The following PHKB variants were observed in gnomAD, a reference collection of about 807,000 sequenced individuals.
PHKB encodes the protein phosphorylase kinase regulatory subunit beta.
In PHKB, 122 loss-of-function variants were observed where a neutral mutation model predicts 152.1. The ratio of observed to expected loss-of-function variants is 0.80; its 90% CI spans 0.69 to 0.93. The LOEUF is 0.93. Ranked by LOEUF, PHKB falls within the 40% of genes least tolerant of loss-of-function variation. The probability of loss-of-function intolerance (pLI) is 0.00; values close to 1 mark genes in which losing one functional copy is unlikely to be tolerated. For synonymous variants in PHKB, 436 were observed against 464.9 expected (o/e 0.94, Z 0.80); for missense variants, 1,304 against 1,328.4 (o/e 0.98, Z 0.29).
rs886052023 is a variant in PHKB, at chr16:47,689,125, T to G, written c.2715T>G (p.Ser905Arg). Residue 905 changes from serine (S) to arginine (R), a missense_variant, in exon 27 of 31, where the codon AGT (serine) becomes AGG (arginine). By Grantham distance (110) the Ser-to-Arg change is moderately radical. Transcript: ENST00000323584. The part of the protein sequence containing the change: ...PALDLYQLSP[S>R]EVKQLLLDIL... The stretch of plus-strand genomic sequence containing the variant: ...TGGACTTGTATCAGCTGTCACCTAG[T>G]GAAGTTAAACAGCTTCTGCTGGATA... 1.2e-6 allele frequency: 2 copies of G among 1,614,078 alleles called. No individual in the cohort carries two copies. The highest frequency in any genetic ancestry group is 1.7e-6 in the Non-Finnish European group (2 of 1,179,942).
intron 1 of PHKB, among the ~76,000 whole-genome samples, chr16:47,485,620 G>A (rs762776108): frequency 1.6e-4 from 25 of 152,074 alleles, no homozygotes; most frequent in Non-Finnish European, 2.5e-4. Context: ...TCTTTGGTTC[G>A]TTCGTATTTA....
intron 8 of PHKB, among the ~76,000 whole-genome samples, chr16:47,583,035 G>A (rs917301059): frequency 4.6e-5 from 7 of 152,158 alleles, no homozygotes; most frequent in Non-Finnish European, 7.3e-5. Context: ...TACCTCAGGT[G>A]ATCCACCCGC....
At chr16:47,682,761 C>T (rs1973886307) in intron 26 of PHKB, among the ~76,000 whole-genome samples, 1 of 152,184 alleles carries the variant, frequency 6.6e-6, no homozygotes, top group African/African-American at 2.4e-5. Context: ...CTTCTCTCAC[C>T]TCATCAAAGT....
chr16:47,684,762 A>C (rs1973931975), intron 26 of PHKB, among the ~76,000 whole-genome samples: 1 of 151,968 alleles, frequency 6.6e-6, no homozygotes, highest in Non-Finnish European at 1.5e-5. Flanking sequence ...GCGACTGAGC[A>C]AGACTCCGTC....
chr16:47,513,437 A>C (rs1239108885), intron 5 of PHKB, among the ~76,000 whole-genome samples: 1 of 152,164 alleles, frequency 6.6e-6, no homozygotes, highest in Non-Finnish European at 1.5e-5. Flanking sequence ...AAGTCTAAAA[A>C]ACCTAAAAGA....
At chr16:47,543,120 T>A (rs562055089) in intron 6 of PHKB, among the ~76,000 whole-genome samples, 1 of 152,228 alleles carries the variant, frequency 6.6e-6, no homozygotes, top group Non-Finnish European at 1.5e-5. Flanking sequence ...CCATTCAGTG[T>A]GATATTGGCT....
intron 13 of PHKB, among the ~76,000 whole-genome samples, chr16:47,603,453 G>C (rs181878456): frequency 7.4e-4 from 112 of 151,220 alleles, no homozygotes; most frequent in Non-Finnish European, 1.5e-3. Context: ...TACTTTAAAG[G>C]CTTCACCTGG....
Position 47,610,864 on chromosome 16 carries a change from C to T in PHKB, c.1402C>T (p.Gln468Ter). 1 of 1,608,908 alleles carries T rather than the reference C, an allele frequency of 6.2e-7. No individual in the cohort carries two copies. Among genetic ancestry groups the T allele is most frequent in the Non-Finnish European group, 8.5e-7 (1 of 1,175,386 alleles). ...LISPKDIDPV[Q>*]RYVPLKDQRN... is the part of the protein sequence containing the mutation. Reference sequence around the variant, plus strand: ...TAGTCCTAAAGACATTGATCCTGTCCAGCGCTATGTCCCACTAAAGGATCA... The same window carrying T: ...TAGTCCTAAAGACATTGATCCTGTCTAGCGCTATGTCCCACTAAAGGATCA... Residue 468 changes from glutamine to a stop codon, truncating the protein, a stop_gained, in exon 14 of 31, where the codon CAG becomes TAG. Transcript: ENST00000323584. LOFTEE classifies it high-confidence loss of function.
chr16:47,611,001 T>C lies in PHKB; in HGVS notation c.1458+81T>C. ...TTGAAGAGGAAATTTTTGTTCTGAA[T>C]AGGTTTTTGTTGTTCCTTCTGACGG... On this transcript the variant is annotated intron_variant, in intron 14 of 30. Transcript: ENST00000323584. 4 of 849,582 alleles carry C rather than the reference T, an allele frequency of 4.7e-6. No individual in the cohort carries two copies. In the South Asian group the frequency reaches 5.5e-5, roughly 12 times the overall value. 52.6% of individuals were successfully genotyped at this position (849,582 alleles called of 1,614,324 possible).
rs1314575776 is a variant in PHKB, at chr16:47,498,505, G to A, written c.166+1017G>A. 7.9e-5 allele frequency among the ~76,000 whole-genome samples: 12 copies of A among 152,130 alleles called. No individual in the cohort carries two copies. In the East Asian group the frequency reaches 1.4e-3, roughly 17 times the overall value. On this transcript the variant is annotated intron_variant, in intron 2 of 30. Transcript: ENST00000323584. ...AGCCTGACCAACATGGAGAAACCCC[G>A]TCTCTACTAAAAATACAAAAATCAG...
At chr16:47,559,441 A>C (rs983007924) in intron 7 of PHKB, among the ~76,000 whole-genome samples, 1 of 152,186 alleles carries the variant, frequency 6.6e-6, no homozygotes, top group Non-Finnish European at 1.5e-5. Flanking sequence ...TTATTGTCTT[A>C]CATTATTATT....
At position 47,674,031 on chromosome 16, in the gene PHKB, G is replaced by T. The variant is rs370683089; in HGVS notation, c.2630+4614G>T. Among the ~76,000 whole-genome samples, 8 of 152,232 alleles carry T rather than the reference G, an allele frequency of 5.3e-5. No homozygotes were observed. The East Asian group carries it at 1.5e-3, about 29-fold the overall frequency. On this transcript the variant is annotated intron_variant, in intron 26 of 30. Coordinates refer to ENST00000323584, the MANE Select transcript of PHKB (RefSeq NM_000293.3). ...TGTATACTATTGCCATTATCTCACA[G>T]AAACAGGCTTTAGTGTTTATTTCTA... is the stretch of plus-strand genomic sequence containing the variant.
intron 6 of PHKB, among the ~76,000 whole-genome samples, chr16:47,546,790 C>G (rs918292701): frequency 5.3e-5 from 8 of 152,090 alleles, no homozygotes; most frequent in Admixed American, 3.3e-4. Flanking sequence ...CTTTGTTTAC[C>G]TACTCAAGCC....
intron 14 of PHKB, among the ~76,000 whole-genome samples, chr16:47,627,124 T>G (rs950509640): frequency 2.6e-5 from 4 of 152,230 alleles, no homozygotes; most frequent in Non-Finnish European, 5.9e-5. Context: ...GACTGGATTC[T>G]TGGAATCTGT....
At chr16:47,693,634 A>G in intron 28 of PHKB, 127 bp downstream of exon 28, 1 of 1,020,218 alleles carries the variant, frequency 9.8e-7, no homozygotes, top group Non-Finnish European at 1.5e-6. Context: ...GAAGGAATGA[A>G]ATACTAGAAA....
chr16:47,667,692 A>AT (rs1386374531), intron 25 of PHKB, among the ~76,000 whole-genome samples: 1 of 152,198 alleles, frequency 6.6e-6, no homozygotes, highest in Non-Finnish European at 1.5e-5. Context: ...TTTTCCTTGG[A>AT]TTTTAGATCC....
intron 1 of PHKB, among the ~76,000 whole-genome samples, chr16:47,483,038 T>TC (rs1486292732): frequency 4.3e-5 from 6 of 138,622 alleles, no homozygotes; most frequent in South Asian, 2.6e-4. Flanking sequence ...TAATTTCTTT[T>TC]TTTTTTTTTT....
intron 10 of PHKB, among the ~76,000 whole-genome samples, chr16:47,592,396 A>G (rs958986833): frequency 2.6e-5 from 4 of 152,138 alleles, no homozygotes; most frequent in Admixed American, 6.5e-5. Context: ...TTCAGTTTTC[A>G]CTACTTCGTC....
intron 13 of PHKB, among the ~76,000 whole-genome samples, chr16:47,609,508 G>A (rs936847687): frequency 6.6e-6 from 1 of 151,586 alleles, no homozygotes; most frequent in Non-Finnish European, 1.5e-5. Context: ...GAATTCACCA[G>A]TGACGCCATC....
Sources: gnomAD v4.1 joint callset for allele counts (sites outside exome capture counted in the v4.1 genomes callset) on GRCh38, gnomAD v4.1.1 for gene constraint, MANE v1.5 for transcripts, NCBI Gene and HGNC (gene_info 2026-07-23, HGNC 2026-07-21) for gene names.